DMD: variants seen among roughly 807,000 people sequenced by gnomAD.
The protein encoded by DMD is mutant dystrophin.
Under a neutral mutation model 330.1 loss-of-function variants are expected in DMD, and 63 were observed. That is an observed-to-expected ratio of 0.19 (90% confidence interval 0.16 to 0.24). The LOEUF (loss-of-function observed/expected upper bound fraction) is 0.24. Ranked by LOEUF, DMD falls within the 10% of genes least tolerant of loss-of-function variation. The pLI is 1.00. For missense variants in DMD, 3,344 were observed against 2,684.1 expected, an observed-to-expected ratio of 1.25 and a Z score of -5.43; for synonymous variants, 1,223 against 959.8, an observed-to-expected ratio of 1.27 and a Z score of -5.07.
intron 7 of DMD, among the ~76,000 whole-genome samples, chrX:32,728,053 C>G (rs2067099771): frequency 9.0e-6 from 1 of 111,568 alleles, no homozygotes. Flanking sequence ...GAAAATGACA[C>G]TCCTCAGTTA....
At chrX:32,133,353 A>C (rs1285008542) in intron 44 of DMD, among the ~76,000 whole-genome samples, 27 of 109,197 alleles carry the variant, frequency 2.5e-4, no homozygotes, top group Non-Finnish European at 3.8e-5. Context: ...TTGTCAATCC[A>C]CCTCTTAATG....
chrX:33,265,119 T>C (rs2148907789), intron 1 of DMD, among the ~76,000 whole-genome samples: 1 of 110,718 alleles, frequency 9.0e-6, no homozygotes, highest in African/African-American at 3.3e-5. Context: ...ATTACTGACC[T>C]CTAAAACTTA....
At position 32,310,276 on chromosome X, in the gene DMD, G is replaced by C; in HGVS notation, c.5923C>G (p.His1975Asp). 2 of 1,206,239 alleles carry C rather than the reference G, an allele frequency of 1.7e-6. No homozygotes were observed. The highest frequency in any genetic ancestry group is 2.2e-6 in the Non-Finnish European group (2 of 891,595). ...QFRRLNFAQI[H>D]TVREETMMVM... ...ATCATCGTTTCTTCACGGACAGTGTGCTGGTATAGATATACAAAAGAACAA... is the reference window on the plus strand; with the variant it reads ...ATCATCGTTTCTTCACGGACAGTGTCCTGGTATAGATATACAAAAGAACAA... Residue 1975 changes from histidine (H) to aspartate (D), a missense_variant and splice_region_variant, in exon 42 of 79, where the codon CAC becomes GAC. Transcript: ENST00000357033.
chrX:33,190,966 TAATATATA>T (rs2050579547), intron 1 of DMD, among the ~76,000 whole-genome samples: 4 of 1,314 alleles, frequency 3.0e-3, no homozygotes, highest in South Asian at 0.03. Flanking sequence ...TATATATATA[TAATATATA>T]ATATTATATA....
At chrX:31,476,616 T>G (rs2067803530) in intron 59 of DMD, among the ~76,000 whole-genome samples, 1 of 109,700 alleles carries the variant, frequency 9.1e-6, no homozygotes, top group Non-Finnish European at 1.9e-5. Context: ...AATCTCCTTA[T>G]TCATTGGATT....
chrX:32,746,953 G>A (rs2070108006), intron 7 of DMD, among the ~76,000 whole-genome samples: 1 of 111,665 alleles, frequency 9.0e-6, no homozygotes, highest in African/African-American at 3.3e-5. Flanking sequence ...ATGAAAACTT[G>A]TGATATTTAT....
chrX:31,759,148 T>C (rs1468979657), intron 51 of DMD, among the ~76,000 whole-genome samples: 1 of 110,934 alleles, frequency 9.0e-6, no homozygotes, highest in Non-Finnish European at 1.9e-5. Context: ...GAAAAAAATA[T>C]TCACATAGTC....
intron 42 of DMD, among the ~76,000 whole-genome samples, chrX:32,295,076 C>T (rs2097489913): frequency 9.0e-6 from 1 of 111,374 alleles, no homozygotes; most frequent in Non-Finnish European, 1.9e-5. Flanking sequence ...TAGTCAAATC[C>T]CTTCTTAATT....
At chrX:32,492,955 G>C (rs962748919) in intron 19 of DMD, among the ~76,000 whole-genome samples, 1 of 111,241 alleles carries the variant, frequency 9.0e-6, no homozygotes, top group African/African-American at 3.3e-5. Context: ...TGGTAGAAGA[G>C]TAGGTTGCCT....
At chrX:33,131,361 TG>T (rs1380493633) in intron 1 of DMD, among the ~76,000 whole-genome samples, 1 of 111,601 alleles carries the variant, frequency 9.0e-6, no homozygotes, top group Non-Finnish European at 1.9e-5. Context: ...TCTCTAGAAA[TG>T]AGACTCAAGC....
intron 47 of DMD, among the ~76,000 whole-genome samples, chrX:31,925,542 T>G (rs1011418118): frequency 9.0e-6 from 1 of 111,333 alleles, no homozygotes; most frequent in Non-Finnish European, 1.9e-5. Context: ...CATAAACAAC[T>G]GGGGCAGAAA....
chrX:31,459,540 A>T (rs1268365163), intron 59 of DMD, among the ~76,000 whole-genome samples: 1 of 112,233 alleles, frequency 8.9e-6, no homozygotes, highest in East Asian at 2.8e-4. Context: ...AAAAGTTCTA[A>T]ATGAGTCATT....
chrX:32,844,887 C>G, intron 3 of DMD, 27 bp from the exon 4 acceptor site: 2 of 1,133,541 alleles, frequency 1.8e-6, no homozygotes, highest in Non-Finnish European at 2.4e-6. Flanking sequence ...AGAGTGTTCA[C>G]TGACCAGCAG....
At chrX:32,750,116 A>T (rs1014764561) in intron 7 of DMD, among the ~76,000 whole-genome samples, 1 of 112,126 alleles carries the variant, frequency 8.9e-6, no homozygotes, top group African/African-American at 3.2e-5. Context: ...TTGACTTGTG[A>T]TTTACAACAT....
intron 60 of DMD, among the ~76,000 whole-genome samples, chrX:31,355,753 G>T (rs907933026): frequency 9.1e-6 from 1 of 110,185 alleles, no homozygotes; most frequent in Admixed American, 9.8e-5. Context: ...TCCGGGAAAC[G>T]CTCCTGAGAC....
At chrX:32,156,631 TACACACACACAC>T (rs747490085) in intron 44 of DMD, among the ~76,000 whole-genome samples, 15 of 94,050 alleles carry the variant, frequency 1.6e-4, no homozygotes, top group South Asian at 5.2e-4. Flanking sequence ...GACAAAAGGA[TACACACACACAC>T]ACACACACAC....
At chrX:32,739,066 A>G (rs745360974) in intron 7 of DMD, among the ~76,000 whole-genome samples, 10 of 112,107 alleles carry the variant, frequency 8.9e-5, no homozygotes, top group Non-Finnish European at 1.7e-4. Context: ...GTCCTGCACT[A>G]AATGTTTCAA....
chrX:32,429,390 T>TTTTG (rs1205876428), intron 29 of DMD, among the ~76,000 whole-genome samples: 17 of 72,662 alleles, frequency 2.3e-4, no homozygotes, highest in African/African-American at 9.7e-4. Context: ...TTTTTGGGTT[T>TTTTG]TTTTTTTTTT....
At chrX:31,832,913 G>T (rs1205579472) in intron 49 of DMD, among the ~76,000 whole-genome samples, 2 of 111,379 alleles carry the variant, frequency 1.8e-5, no homozygotes, top group African/African-American at 3.3e-5. Flanking sequence ...CAAGAAAATG[G>T]CACCTAAATG....
Sources: gnomAD v4.1 joint callset for allele counts (sites outside exome capture counted in the v4.1 genomes callset) on GRCh38, gnomAD v4.1.1 for gene constraint, MANE v1.5 for transcripts, NCBI Gene and HGNC (gene_info 2026-07-23, HGNC 2026-07-21) for gene names.